Variants in DNAH8 observed in about 807,000 individuals in gnomAD.
DNAH8 encodes dynein axonemal heavy chain 8.
In DNAH8, 382 loss-of-function variants were observed where a neutral mutation model predicts 562.1. The ratio of observed to expected loss-of-function variants is 0.68; its 90% confidence interval spans 0.63 to 0.74. DNAH8 has a LOEUF of 0.74. Among genes scored for constraint, DNAH8 ranks in the 30% least tolerant of loss-of-function variants. The probability of loss-of-function intolerance (pLI) is 0.00; values close to 1 mark genes in which losing one functional copy is unlikely to be tolerated. For synonymous variants in DNAH8, 1,881 were observed against 1,919.4 expected (o/e 0.98, Z 0.52); for missense variants, 5,203 against 5,620.4 (o/e 0.93, Z 2.37).
intron 85 of DNAH8, among the ~76,000 whole-genome samples, chr6:38,979,206 A>G (rs1038118741): frequency 3.3e-5 from 5 of 152,174 alleles, no homozygotes; most frequent in African/African-American, 1.2e-4. Context: ...CCTCTGATTG[A>G]ACGTCTCCTT....
At chr6:38,848,511 A>T (rs1252259596) in intron 36 of DNAH8, 137 bp from the exon 37 acceptor site, 2 of 637,498 alleles carry the variant, frequency 3.1e-6, no homozygotes, top group Middle Eastern at 4.3e-4. Flanking sequence ...TAGCTGTATG[A>T]TATCTATTAG....
At chr6:38,997,729 A>G (rs1210282651) in intron 88 of DNAH8, among the ~76,000 whole-genome samples, 2 of 152,152 alleles carry the variant, frequency 1.3e-5, no homozygotes, top group African/African-American at 4.8e-5. Flanking sequence ...ATGGTGTTCA[A>G]CAGCATTCTT....
intron 21 of DNAH8, among the ~76,000 whole-genome samples, chr6:38,792,700 C>A (rs1243174910): frequency 1.3e-5 from 2 of 152,158 alleles, no homozygotes; most frequent in Admixed American, 1.3e-4. Flanking sequence ...AAGACAGGAA[C>A]CCTGTCTAAA....
At chr6:39,001,536 T>G (rs1765485306) in intron 88 of DNAH8, among the ~76,000 whole-genome samples, 1 of 151,936 alleles carries the variant, frequency 6.6e-6, no homozygotes, top group Non-Finnish European at 1.5e-5. Context: ...TTCCAGGCTG[T>G]GGAGGTAACT....
chr6:38,807,601 T>A lies in DNAH8; in HGVS notation c.3151-9T>A. The stretch of plus-strand genomic sequence containing the variant: ...GAGATACCAAATTTAATCTGATTTC[T>A]TATTACAGGAGTGTAAAGAGGTCTT... On this transcript the variant is annotated splice_polypyrimidine_tract_variant and intron_variant, in intron 23 of 92. Coordinates refer to ENST00000327475, the MANE Select transcript of DNAH8 (RefSeq NM_001206927.2). 1 of 1,426,570 alleles carries A rather than the reference T, an allele frequency of 7.0e-7. No homozygotes were observed. Among genetic ancestry groups the A allele is most frequent in the East Asian group, 2.6e-5 (1 of 38,794 alleles). The allele number at this position is 1,426,570 out of a possible 1,614,324, so 88.4% of individuals were successfully genotyped here.
chr6:38,885,803 G>A (rs555430863), intron 56 of DNAH8, among the ~76,000 whole-genome samples: 4 of 152,270 alleles, frequency 2.6e-5, no homozygotes, highest in African/African-American at 9.6e-5. Context: ...CTCTCCTTGA[G>A]TCACACCCTT....
chr6:38,983,604 G>T (rs9394562), intron 86 of DNAH8, among the ~76,000 whole-genome samples: 2 of 151,910 alleles, frequency 1.3e-5, no homozygotes, highest in Non-Finnish European at 2.9e-5. Context: ...CTTATTTCTC[G>T]TAACTCAAAT....
In DNAH8 at chr6:38,823,498, A is replaced by G. The variant is rs1773058076; in HGVS notation, c.3721-64A>G. On this transcript the variant is annotated intron_variant, in intron 27 of 92. Transcript: ENST00000327475. ...TGTGTATGAGCAAATGCAATTTTCTAATGTAACTATGGTAAGATTTATACT... is the reference window on the plus strand; with the variant it reads ...TGTGTATGAGCAAATGCAATTTTCTGATGTAACTATGGTAAGATTTATACT... The G allele has an allele frequency of 2.3e-6, 3 of 1,290,290 alleles. No individual in the cohort carries two copies. In the Admixed American group the frequency reaches 5.5e-5, roughly 24 times the overall value. The allele number at this position is 1,290,290 out of a possible 1,614,324, so 79.9% of individuals were successfully genotyped here. A position where few individuals can be genotyped will look rare whatever the true frequency, so the allele number is the denominator to read the frequency against.
At chr6:38,900,918 A>G (rs1780033250) in intron 62 of DNAH8, among the ~76,000 whole-genome samples, 1 of 152,124 alleles carries the variant, frequency 6.6e-6, no homozygotes, top group South Asian at 2.1e-4. Context: ...CGATTTTAGC[A>G]ATTCTGTGTG....
chr6:38,834,667 T>A (rs148372184), intron 32 of DNAH8, 26 bp downstream of exon 32: 1 of 1,544,660 alleles, frequency 6.5e-7, no homozygotes, highest in African/African-American at 1.4e-5. Context: ...TTTTGTTACA[T>A]CGACAATGTG....
At chr6:38,886,381 A>T (rs902290953) in intron 56 of DNAH8, among the ~76,000 whole-genome samples, 5 of 152,220 alleles carry the variant, frequency 3.3e-5, no homozygotes, top group Non-Finnish European at 7.3e-5. Flanking sequence ...ACAGTTAGTA[A>T]TATAATATTG....
chr6:39,023,985 G>A (rs1767108688), intron 91 of DNAH8, among the ~76,000 whole-genome samples: 1 of 152,204 alleles, frequency 6.6e-6, no homozygotes, highest in Non-Finnish European at 1.5e-5. Flanking sequence ...TTCCCATTAG[G>A]GAGTGCCTCT....
chr6:38,795,289 AGT>A (rs1427148029), intron 21 of DNAH8, among the ~76,000 whole-genome samples: 8 of 152,136 alleles, frequency 5.3e-5, no homozygotes, highest in Admixed American at 1.3e-4. Flanking sequence ...AAGACTCAAG[AGT>A]GTAAGTTGCT....
chr6:38,975,235 GT>G (rs1205555779), intron 85 of DNAH8, among the ~76,000 whole-genome samples: 1 of 152,146 alleles, frequency 6.6e-6, no homozygotes, highest in African/African-American at 2.4e-5. Context: ...TATTGTTAGT[GT>G]TTTGTTCTGC....
rs75742689 is a variant in DNAH8 at position 38,899,501 on chromosome 6, C to T, written c.9064-275C>T. Among the ~76,000 whole-genome samples the T allele has an allele frequency of 0.011, 1,607 of 152,316 alleles. 92 individuals carry two copies. The East Asian group carries it at 0.15, about 14-fold the overall frequency. Reference sequence around the variant, plus strand: ...TAATAAAATTCTACATGCGTGCACACGCATGAACACACACACAGAATAGTT... The same window carrying T: ...TAATAAAATTCTACATGCGTGCACATGCATGAACACACACACAGAATAGTT... On this transcript the variant is annotated intron_variant, in intron 61 of 92. Coordinates refer to ENST00000327475, the MANE Select transcript of DNAH8 (RefSeq NM_001206927.2).
chr6:38,912,892 C>T (rs984635169), intron 66 of DNAH8, among the ~76,000 whole-genome samples: 1 of 152,078 alleles, frequency 6.6e-6, no homozygotes, highest in Non-Finnish European at 1.5e-5. Flanking sequence ...TCACTGCAAC[C>T]TCTGCCTCCC....
At chr6:38,874,291 C>T (rs1210096476) in intron 52 of DNAH8, among the ~76,000 whole-genome samples, 2 of 55,142 alleles carry the variant, frequency 3.6e-5, no homozygotes, top group Non-Finnish European at 8.3e-5. Flanking sequence ...CTCCCCTCCC[C>T]TCCCCTCCCC....
intron 13 of DNAH8, among the ~76,000 whole-genome samples, chr6:38,776,758 G>A (rs1190722768): frequency 6.6e-6 from 1 of 152,134 alleles, no homozygotes; most frequent in Non-Finnish European, 1.5e-5. Flanking sequence ...ATGGATGAAG[G>A]GTAGTCAGAA....
intron 58 of DNAH8, among the ~76,000 whole-genome samples, chr6:38,891,973 C>T (rs1245179091): frequency 1.3e-5 from 2 of 152,188 alleles, no homozygotes; most frequent in Non-Finnish European, 1.5e-5. Context: ...TCCTCTCCCT[C>T]TTACTTGACT....
Sources: gnomAD v4.1 joint callset for allele counts (sites outside exome capture counted in the v4.1 genomes callset) on GRCh38, gnomAD v4.1.1 for gene constraint, MANE v1.5 for transcripts, NCBI Gene and HGNC (gene_info 2026-07-23, HGNC 2026-07-21) for gene names.